The following FAM83B variants were observed in gnomAD, a reference collection of about 807,000 sequenced individuals.
FAM83B encodes protein FAM83B.
Under a neutral mutation model 38.8 loss-of-function variants are expected in FAM83B, and 26 were observed. The ratio of observed to expected loss-of-function variants is 0.67; its 90% CI spans 0.49 to 0.93. The LOEUF (loss-of-function observed/expected upper bound fraction) is 0.93, where lower values mean the gene tolerates loss of function less well. Ranked by LOEUF, FAM83B falls within the 40% of genes least tolerant of loss-of-function variation. FAM83B has a pLI of 0.00. For missense variants in FAM83B, 1,237 were observed against 1,197.3 expected, an observed-to-expected ratio of 1.03 and a Z score of -0.49; for synonymous variants, 419 against 423.1, an observed-to-expected ratio of 0.99 and a Z score of 0.12.
chr6:54,911,679 C>T (rs563341318), intron 2 of FAM83B, among the ~76,000 whole-genome samples: 120 of 152,110 alleles, frequency 7.9e-4, no homozygotes, highest in African/African-American at 2.7e-3. Flanking sequence ...ATTTTTCCTT[C>T]GCTGTGACTA....
intron 2 of FAM83B, among the ~76,000 whole-genome samples, chr6:54,901,654 A>G (rs1772664321): frequency 6.6e-6 from 1 of 152,212 alleles, no homozygotes; most frequent in African/African-American, 2.4e-5. Flanking sequence ...GAAAATAAAC[A>G]ATATTTGCTG....
rs556138401 is a variant in FAM83B at position 54,920,727 on chromosome 6, T to A, written c.445-5644T>A. ...ACTGGTTTCTACCACACTTTTTGGT[T>A]ATTTGGTGCATTTATTAAATTACAA... On this transcript the variant is annotated intron_variant, in intron 2 of 4. Coordinates refer to ENST00000306858, the MANE Select transcript of FAM83B (RefSeq NM_001010872.3). Among the ~76,000 whole-genome samples the A allele has an allele frequency of 4.4e-3, 666 of 152,052 alleles. 8 individuals carry two copies. Among genetic ancestry groups the A allele is most frequent in the African/African-American group, 0.015 (634 of 41,542 alleles).
chr6:54,941,317 C>G lies in FAM83B; in HGVS notation c.2346C>G (p.Thr782=), dbSNP rs757306443. The G allele has an allele frequency of 6.2e-7, 1 of 1,612,420 alleles. No individual in the cohort carries two copies. The highest frequency in any genetic ancestry group is 1.7e-5 in the Admixed American group (1 of 59,624). ...SQKLRSLLSL[T]PDKKENLSKN... ...AGTTAAGGTCATTACTTAGCCTTAC[C>G]CCAGATAAGAAAGAAAATCTATCCA... The change falls in exon 5 of 5, where the codon ACC becomes ACG. Residue 782 remains threonine (T), a synonymous_variant. Transcript: ENST00000306858.
At chr6:54,931,250 A>G (rs1773413684) in intron 4 of FAM83B, among the ~76,000 whole-genome samples, 1 of 152,202 alleles carries the variant, frequency 6.6e-6, no homozygotes, top group Admixed American at 6.6e-5. Context: ...GTACTTGAGA[A>G]GAATGTATAT....
intron 4 of FAM83B, among the ~76,000 whole-genome samples, chr6:54,928,105 G>GTA: frequency 6.6e-6 from 1 of 152,200 alleles, no homozygotes; most frequent in Non-Finnish European, 1.5e-5. Context: ...GCTCGAGAGT[G>GTA]TAAACACTGC....
intron 1 of FAM83B, among the ~76,000 whole-genome samples, chr6:54,865,678 A>G (rs1771683262): frequency 6.6e-6 from 1 of 152,098 alleles, no homozygotes; most frequent in African/African-American, 2.4e-5. Context: ...TTAGGTAATT[A>G]TAGCCTCGGA....
Position 54,870,409 on chromosome 6 carries a change from T to C in FAM83B, c.163T>C (p.Phe55Leu). Residue 55 changes from phenylalanine (F) to leucine (L), a missense_variant, in exon 2 of 5, where the codon TTT becomes CTT. Transcript: ENST00000306858. ...TCTTGTCCAGGAACGAGTTTCAGACTTTCTTGCTGAGGAAGAAATTAATTA... is the reference window on the plus strand; with the variant it reads ...TCTTGTCCAGGAACGAGTTTCAGACCTTCTTGCTGAGGAAGAAATTAATTA... ...EFLVQERVSD[F>L]LAEEEINYIL... The C allele has an allele frequency of 6.2e-7, 1 of 1,614,100 alleles. No homozygotes were observed. The highest frequency in any genetic ancestry group is 8.5e-7 in the Non-Finnish European group (1 of 1,179,986).
chr6:54,867,039 T>C (rs899996058), intron 1 of FAM83B, among the ~76,000 whole-genome samples: 4 of 152,002 alleles, frequency 2.6e-5, no homozygotes, highest in Non-Finnish European at 5.9e-5. Flanking sequence ...ATTTAACTGT[T>C]AGATAAGCCT....
intron 2 of FAM83B, among the ~76,000 whole-genome samples, chr6:54,894,630 C>T (rs1045267572): frequency 1.3e-5 from 2 of 152,122 alleles, no homozygotes; most frequent in African/African-American, 4.8e-5. Context: ...CCTCAACCAT[C>T]TGGTGTTTAA....
chr6:54,923,202 G>T (rs1304683607), intron 2 of FAM83B, among the ~76,000 whole-genome samples: 1 of 151,952 alleles, frequency 6.6e-6, no homozygotes, highest in African/African-American at 2.4e-5. Context: ...TTAAAGATAA[G>T]ATATATATTC....
intron 2 of FAM83B, among the ~76,000 whole-genome samples, chr6:54,872,249 T>C (rs994727992): frequency 6.6e-6 from 1 of 152,240 alleles, no homozygotes; most frequent in East Asian, 1.9e-4. Context: ...AATTGAACTG[T>C]CATTCAGCTT....
At chr6:54,928,611 C>T (rs1256063395) in intron 4 of FAM83B, among the ~76,000 whole-genome samples, 1 of 152,082 alleles carries the variant, frequency 6.6e-6, no homozygotes, top group Non-Finnish European at 1.5e-5. Context: ...AACATATTAA[C>T]AGCAGAAAAT....
rs776425046 is a variant in FAM83B, at chr6:54,941,582, G to A, written c.2611G>A (p.Gly871Ser). The change falls in exon 5 of 5, where the codon GGT becomes AGT. Residue 871 changes from glycine (G) to serine (S), a missense_variant. Transcript: ENST00000306858. Reference sequence around the variant, plus strand: ...TGAAAATAAAAGAACACCTTCTCCAGGTCCAGTTGAAAGCAAGTTCTTGGA... The same window carrying A: ...TGAAAATAAAAGAACACCTTCTCCAAGTCCAGTTGAAAGCAAGTTCTTGGA... Reference protein sequence around the residue: ...PDENKRTPSPGPVESKFLERA... With the variant: ...PDENKRTPSPSPVESKFLERA... 2.7e-5 allele frequency: 44 copies of A among 1,613,860 alleles called. No homozygotes were observed. The South Asian group carries it at 4.4e-4, about 16-fold the overall frequency.
intron 1 of FAM83B, among the ~76,000 whole-genome samples, chr6:54,861,229 A>G (rs1771573882): frequency 6.6e-6 from 1 of 152,216 alleles, no homozygotes; most frequent in African/African-American, 2.4e-5. Context: ...TGAATATTTC[A>G]TTCTTTAAAC....
At chr6:54,909,911 T>C (rs1292611678) in intron 2 of FAM83B, among the ~76,000 whole-genome samples, 1 of 152,118 alleles carries the variant, frequency 6.6e-6, no homozygotes, top group African/African-American at 2.4e-5. Context: ...AGGAACGACA[T>C]GAGCATGATA....
chr6:54,868,012 G>T (rs532064690), intron 1 of FAM83B, among the ~76,000 whole-genome samples: 4 of 152,226 alleles, frequency 2.6e-5, no homozygotes, highest in Non-Finnish European at 4.4e-5. Flanking sequence ...AGTGAAAACT[G>T]TACTTCAATA....
rs1447979196 is a variant in FAM83B, at chr6:54,944,013, G to A, written c.*2006G>A. 6 of 152,092 alleles carry A rather than the reference G, an allele frequency of 3.9e-5. No homozygotes were observed. Among genetic ancestry groups the A allele is most frequent in the Admixed American group, 6.5e-5 (1 of 15,276 alleles). The allele number at this position is 152,092 out of a possible 1,614,324, so 9.4% of individuals were successfully genotyped here. A position where few individuals can be genotyped will look rare whatever the true frequency, so the allele number is the denominator to read the frequency against. The stretch of plus-strand genomic sequence containing the variant: ...TGCTTTATTTCATCATCCCCTGACA[G>A]GTGACTTAGGCTTTGCACAGCAGAT... On this transcript the variant is annotated 3_prime_UTR_variant, in exon 5 of 5. Transcript: ENST00000306858.
At chr6:54,922,990 T>TA (rs1185104585) in intron 2 of FAM83B, among the ~76,000 whole-genome samples, 1 of 152,032 alleles carries the variant, frequency 6.6e-6, no homozygotes, top group Non-Finnish European at 1.5e-5. Context: ...TATCTGCTAG[T>TA]AAAAAATACT....
intron 1 of FAM83B, among the ~76,000 whole-genome samples, chr6:54,848,833 C>A (rs1178819951): frequency 6.6e-6 from 1 of 152,024 alleles, no homozygotes; most frequent in African/African-American, 2.4e-5. Flanking sequence ...TTGGAGGAGA[C>A]CTTTTGAAAA....
Sources: gnomAD v4.1 joint callset for allele counts (sites outside exome capture counted in the v4.1 genomes callset) on GRCh38, gnomAD v4.1.1 for gene constraint, MANE v1.5 for transcripts, NCBI Gene and HGNC (gene_info 2026-07-23, HGNC 2026-07-21) for gene names.